SRRM3: variants seen among roughly 807,000 people sequenced by gnomAD.
SRRM3 encodes the protein serine/arginine repetitive matrix 3, also known as serine/arginine repetitive matrix protein 3.
SRRM3 carries 27 observed loss-of-function variants against 66.2 expected under a neutral mutation model. That is an observed-to-expected ratio of 0.41 (90% CI 0.30 to 0.56). The LOEUF (loss-of-function observed/expected upper bound fraction) is 0.56. Among genes scored for constraint, SRRM3 ranks in the 20% least tolerant of loss-of-function variants. The pLI is 0.32. For missense variants in SRRM3, 918 were observed against 991.9 expected, an observed-to-expected ratio of 0.93 and a Z score of 1.00; for synonymous variants, 391 against 414.9, an observed-to-expected ratio of 0.94 and a Z score of 0.70.
Position 76,267,391 on chromosome 7 carries a change from G to C in SRRM3, c.964G>C (p.Gly322Arg). 7.1e-7 allele frequency: 1 copy of C among 1,408,770 alleles called. No individual in the cohort carries two copies. The highest frequency in any genetic ancestry group is 9.2e-7 in the Non-Finnish European group (1 of 1,087,726). The allele number at this position is 1,408,770 out of a possible 1,614,324, so 87.3% of individuals were successfully genotyped here. Residue 322 changes from glycine to arginine, a missense_variant, in exon 11 of 15, where the codon GGA becomes CGA. Physicochemically the swap from Gly to Arg is moderately radical, Grantham distance 125 (BLOSUM62 -2). Coordinates refer to ENST00000611745, the MANE Select transcript of SRRM3 (RefSeq NM_001110199.3). ...QRNGGSGQRSGAHGGRPGSAH... is the reference protein window; with the variant it reads ...QRNGGSGQRSRAHGGRPGSAH... ...GAACGGCGGCAGCGGGCAGCGGAGC[G>C]GAGCGCACGGGGGCCGCCCCGGCTC...
At chr7:76,277,746 G>GAAATAAAGAAAAAAGAAAA (rs59619771) in intron 11 of SRRM3, among the ~76,000 whole-genome samples, 1 of 106,770 alleles carries the variant, frequency 9.4e-6, no homozygotes, top group Non-Finnish European at 1.9e-5. Context: ...GAGAGAGAGA[G>GAAATAAAGAAAAAAGAAAA]AAAGAAAGAA....
intron 8 of SRRM3, among the ~76,000 whole-genome samples, chr7:76,263,584 G>T (rs1412199568): frequency 1.3e-5 from 2 of 152,162 alleles, no homozygotes; most frequent in African/African-American, 4.8e-5. Context: ...GATTGGCCAG[G>T]CACGGTGGCT....
chr7:76,215,625 GTT>G lies in SRRM3; in HGVS notation c.-40+13576_-40+13577del, dbSNP rs143948708. ...GGGTCTTGCTATGTTGCCCAGTCTG[GTT>G]TTTTTTTTTTTTTTTTTGAGACAGA... On this transcript the variant is annotated intron_variant, in intron 1 of 14. Transcript: ENST00000611745. Among the ~76,000 whole-genome samples, 103 of 119,150 alleles carry G rather than the reference GTT, an allele frequency of 8.6e-4. 1 individual carries two copies. The highest frequency in any genetic ancestry group is 1.0e-3 in the Non-Finnish European group (60 of 58,620). The allele number at this position is 119,150 out of a possible 152,430, so 78.2% of individuals were successfully genotyped here.
chr7:76,274,244 C>T (rs1362165272), intron 11 of SRRM3, among the ~76,000 whole-genome samples: 1 of 152,258 alleles, frequency 6.6e-6, no homozygotes, highest in Non-Finnish European at 1.5e-5. Context: ...TGGGGGCCTA[C>T]TGGGCCAAAC....
intron 10 of SRRM3, among the ~76,000 whole-genome samples, chr7:76,265,828 T>TTTTA (rs1802000675): frequency 7.8e-5 from 2 of 25,580 alleles, no homozygotes; most frequent in African/African-American, 1.2e-3. Flanking sequence ...TAATAAATAT[T>TTTTA]TATATATATA....
intron 1 of SRRM3, among the ~76,000 whole-genome samples, chr7:76,225,652 C>G (rs142798762): frequency 1.3e-3 from 194 of 152,164 alleles, no homozygotes; most frequent in African/African-American, 4.4e-3. Context: ...GAAGCCAAGG[C>G]GGGGGATCAC....
At chr7:76,241,510 T>A (rs1801295081) in intron 2 of SRRM3, among the ~76,000 whole-genome samples, 1 of 152,064 alleles carries the variant, frequency 6.6e-6, no homozygotes, top group Admixed American at 6.6e-5. Flanking sequence ...ATTTACTTAT[T>A]TATTTATTTT....
At chr7:76,249,491 C>T (rs1408996253) in intron 3 of SRRM3, among the ~76,000 whole-genome samples, 1 of 152,170 alleles carries the variant, frequency 6.6e-6, no homozygotes, top group Non-Finnish European at 1.5e-5. Context: ...TTGGATCAAA[C>T]GGGCAAGTTA....
intron 2 of SRRM3, among the ~76,000 whole-genome samples, chr7:76,245,080 A>G (rs1801406370): frequency 2.0e-5 from 3 of 152,230 alleles, no homozygotes; most frequent in Admixed American, 2.0e-4. Flanking sequence ...AAACGCTAGC[A>G]TTGAACCTGC....
At chr7:76,247,986 C>T (rs1446853752) in intron 2 of SRRM3, among the ~76,000 whole-genome samples, 2 of 152,270 alleles carry the variant, frequency 1.3e-5, no homozygotes, top group East Asian at 3.9e-4. Flanking sequence ...AGAGCCACTG[C>T]GCCTGGCCAG....
At chr7:76,220,406 G>A (rs1800680908) in intron 1 of SRRM3, among the ~76,000 whole-genome samples, 1 of 152,244 alleles carries the variant, frequency 6.6e-6, no homozygotes, top group African/African-American at 2.4e-5. Flanking sequence ...GCATGGGTCA[G>A]TGCATTCTTG....
intron 1 of SRRM3, among the ~76,000 whole-genome samples, chr7:76,232,623 G>A (rs1411627688): frequency 6.6e-6 from 1 of 151,912 alleles, no homozygotes; most frequent in Non-Finnish European, 1.5e-5. Context: ...GGGAAAGGAA[G>A]GCTTCCGGAA....
At chr7:76,268,756 C>T (rs7780094) in intron 11 of SRRM3, 15,380 of 152,356 alleles carry the variant, frequency 0.1, 962 homozygotes, top group East Asian at 0.24. Flanking sequence ...GGTTGGGCCG[C>T]GCAGGGAGGA....
At chr7:76,248,499 G>T (rs1801496635) in intron 3 of SRRM3, among the ~76,000 whole-genome samples, 1 of 152,118 alleles carries the variant, frequency 6.6e-6, no homozygotes, top group Admixed American at 6.6e-5. Context: ...ATCACCAAGG[G>T]CCTCCTCCTA....
In SRRM3 at chr7:76,264,802, A is replaced by G. The variant is rs1472420079; in HGVS notation, c.712A>G (p.Lys238Glu). Residue 238 changes from lysine (K) to glutamate (E), a missense_variant, in exon 9 of 15, where the codon AAA becomes GAA. Transcript: ENST00000611745. ...CAAGTGCAAAAGAAAAGAGAAGAAC[A>G]AAGAGAAGAAGAGGTAAGCGCCCTC... ...SSKCKRKEKN[K>E]EKKRPHTESP... 26 of 1,613,662 alleles carry G rather than the reference A, an allele frequency of 1.6e-5. No homozygotes were observed. Among genetic ancestry groups the G allele is most frequent in the Non-Finnish European group, 2.1e-5 (25 of 1,179,848 alleles).
intron 3 of SRRM3, among the ~76,000 whole-genome samples, chr7:76,252,032 C>T (rs1475302261): frequency 6.6e-6 from 1 of 152,054 alleles, no homozygotes; most frequent in East Asian, 1.9e-4. Context: ...GATCACGCAA[C>T]CACACTACAG....
chr7:76,278,870 A>C (rs1802427736), intron 11 of SRRM3, among the ~76,000 whole-genome samples: 1 of 152,220 alleles, frequency 6.6e-6, no homozygotes, highest in South Asian at 2.1e-4. Flanking sequence ...GGAAACACCC[A>C]GGGCCATGCC....
At chr7:76,230,939 C>T (rs1231387698) in intron 1 of SRRM3, among the ~76,000 whole-genome samples, 1 of 151,726 alleles carries the variant, frequency 6.6e-6, no homozygotes, top group Non-Finnish European at 1.5e-5. Context: ...TTAGTAGAGA[C>T]GGGGTTTCAC....
chr7:76,285,559 C>T lies in SRRM3; in HGVS notation c.1734-56C>T, dbSNP rs548135136. The T allele has an allele frequency of 1.9e-5, 28 of 1,453,638 alleles. No homozygotes were observed. In the South Asian group the frequency reaches 3.1e-4, roughly 16 times the overall value. 90.0% of individuals were successfully genotyped at this position (1,453,638 alleles called of 1,614,324 possible). A position where few individuals can be genotyped will look rare whatever the true frequency, so the allele number is the denominator to read the frequency against. ...CTGAGGCAGGAAGCCCTGGCCGCTG[C>T]TGGGATGGGGCTCGGGGCCTGGGAT... On this transcript the variant is annotated intron_variant, in intron 14 of 14. Coordinates refer to ENST00000611745, the MANE Select transcript of SRRM3 (RefSeq NM_001110199.3). This position sits in a 1 kb window ranked among gnomAD's most constrained non-coding sequence, Gnocchi z 4.1.
Sources: gnomAD v4.1 joint callset for allele counts (sites outside exome capture counted in the v4.1 genomes callset) on GRCh38, gnomAD v4.1.1 for gene constraint, Gnocchi (gnomAD v3.1) non-coding constraint, MANE v1.5 for transcripts, NCBI Gene and HGNC (gene_info 2026-07-23, HGNC 2026-07-21) for gene names.